The following CFTR variants were observed in gnomAD, a reference collection of about 807,000 sequenced individuals.
CFTR encodes CF transmembrane conductance regulator, also known as cystic fibrosis transmembrane conductance regulator.
A neutral mutation model predicts 171.6 loss-of-function variants in CFTR; 181 were observed. That is an observed-to-expected ratio of 1.05 (90% CI 0.93 to 1.19). CFTR has a LOEUF of 1.19. Among genes scored for constraint, CFTR ranks in the 50% most tolerant of loss-of-function variants. The pLI, the probability that CFTR is intolerant of heterozygous loss-of-function variation, is 0.00. For synonymous variants in CFTR, 583 were observed against 608.0 expected, an observed-to-expected ratio of 0.96 and a Z score of 0.60; for missense variants, 1,968 against 1,734.7, an observed-to-expected ratio of 1.13 and a Z score of -2.39.
At chr7:117,542,556 AAAAAAT>A (rs1159305976) in intron 9 of CFTR, among the ~76,000 whole-genome samples, 1 of 152,200 alleles carries the variant, frequency 6.6e-6, no homozygotes, top group South Asian at 2.1e-4. Flanking sequence ...GAAAAAGAAA[AAAAAAT>A]AAAAATAAAA....
chr7:117,613,693 A>C (rs542363624), intron 20 of CFTR, among the ~76,000 whole-genome samples: 2 of 152,164 alleles, frequency 1.3e-5, no homozygotes, highest in Admixed American at 6.6e-5. Context: ...ACATGCAGAT[A>C]TATGCTGTGT....
rs763577850 is a variant in CFTR at position 117,548,718 on chromosome 7, C to T, written c.1287C>T (p.Phe429=). Residue 429 remains phenylalanine, a synonymous_variant, in exon 10 of 27, where the codon TTC becomes TTT. Transcript: ENST00000003084. ...CTTCTAATGGTGATGACAGCCTCTT[C>T]TTCAGTAATTTCTCACTTCTTGGTA... ...RKTSNGDDSL[F]FSNFSLLGTP... 11 of 1,613,274 alleles carry T rather than the reference C, an allele frequency of 6.8e-6. No individual in the cohort carries two copies. The highest frequency in any genetic ancestry group is 9.3e-6 in the Non-Finnish European group (11 of 1,179,602).
rs397508568 is a variant in CFTR at position 117,614,705 on chromosome 7, G to A, written c.3460G>A (p.Asp1154Asn). The part of the protein sequence containing the change: ...QWAVNSSIDV[D>N]SLMRSVSRVF... ...GGCTGTAAACTCCAGCATAGATGTG[G>A]ATAGCTTGGTAAGTCTTATCATCTT... The change falls in exon 21 of 27, where the codon GAT becomes AAT. Residue 1154 changes from aspartate to asparagine, a missense_variant. Coordinates refer to ENST00000003084, the MANE Select transcript of CFTR (RefSeq NM_000492.4). The A allele has an allele frequency of 6.2e-7, 1 of 1,608,650 alleles. No homozygotes were observed. Among genetic ancestry groups the A allele is most frequent in the South Asian group, 1.1e-5 (1 of 90,966 alleles).
chr7:117,627,346 G>A (rs1393162102), intron 21 of CFTR, among the ~76,000 whole-genome samples, 176 bp from the exon 22 acceptor site: 1 of 152,044 alleles, frequency 6.6e-6, no homozygotes, highest in Admixed American at 6.6e-5. Context: ...TTTCTCTTCA[G>A]TTAAACTTTT....
intron 24 of CFTR, among the ~76,000 whole-genome samples, chr7:117,658,977 G>T (rs191112733): frequency 3.3e-4 from 50 of 152,202 alleles, no homozygotes; most frequent in African/African-American, 1.1e-3. Flanking sequence ...GCTTAAGGTG[G>T]CTTACCAGGT....
intron 18 of CFTR, among the ~76,000 whole-genome samples, chr7:117,608,193 A>C (rs1792330866): frequency 6.6e-6 from 1 of 150,380 alleles, no homozygotes; most frequent in South Asian, 2.1e-4. Context: ...GCCAGTTTGA[A>C]TCATTTCTGC....
In CFTR at chr7:117,587,740, A is replaced by G. The variant is rs397508236; in HGVS notation, c.1586A>G (p.Asp529Gly). ...CTAATTTTCTATTTTTGGTAATAGGACATCTCCAAGTTTGCAGAGAAAGAC... is the reference window on the plus strand; with the variant it reads ...CTAATTTTCTATTTTTGGTAATAGGGCATCTCCAAGTTTGCAGAGAAAGAC... ...SVIKACQLEE[D>G]ISKFAEKDNI... is the part of the protein sequence containing the mutation. The change falls in exon 12 of 27, where the codon GAC becomes GGC. Residue 529 changes from aspartate to glycine, a missense_variant and splice_region_variant. Transcript: ENST00000003084. The G allele has an allele frequency of 2.5e-6, 4 of 1,590,424 alleles. No individual in the cohort carries two copies. Among genetic ancestry groups the G allele is most frequent in the Non-Finnish European group, 3.5e-6 (4 of 1,158,694 alleles).
intron 3 of CFTR, 147 bp downstream of exon 3, chr7:117,509,289 A>G: frequency 3.1e-6 from 2 of 643,524 alleles, no homozygotes; most frequent in Non-Finnish European, 5.5e-6. Context: ...CTAAAACTCT[A>G]GTAAGGATAA....
At chr7:117,579,714 T>C (rs1355117256) in intron 11 of CFTR, among the ~76,000 whole-genome samples, 4 of 142,320 alleles carry the variant, frequency 2.8e-5, no homozygotes, top group Non-Finnish European at 6.2e-5. Flanking sequence ...TAGCACAGTG[T>C]TAATACAGGA....
rs536308161 is a variant in CFTR, at chr7:117,575,533, T to C, written c.1585-12206T>C. Among the ~76,000 whole-genome samples the C allele has an allele frequency of 3.9e-5, 6 of 152,252 alleles. No individual in the cohort carries two copies. In the East Asian group the frequency reaches 1.2e-3, roughly 29 times the overall value. ...ATTAAAATCCTGCACTGAGTTTGTC[T>C]CAAGATTTCTTGCACGTGAATGAAT... On this transcript the variant is annotated intron_variant, in intron 11 of 26. Coordinates refer to ENST00000003084, the MANE Select transcript of CFTR (RefSeq NM_000492.4).
At position 117,592,558 on chromosome 7, in the gene CFTR, C is replaced by G; in HGVS notation, c.2391C>G (p.Ala797=). 2.0e-6 allele frequency: 3 copies of G among 1,520,096 alleles called. No individual in the cohort carries two copies. The highest frequency in any genetic ancestry group is 2.6e-6 in the Non-Finnish European group (3 of 1,136,734). 94.2% of individuals were successfully genotyped at this position (1,520,096 alleles called of 1,614,324 possible). A position where few individuals can be genotyped will look rare whatever the true frequency, so the allele number is the denominator to read the frequency against. ...CATCCACACGAAAAGTGTCACTGGC[C>G]CCTCAGGCAAACTTGACTGAACTGG... The part of the protein sequence containing the change: ...TTASTRKVSL[A]PQANLTELDI... Residue 797 remains alanine, a synonymous_variant, in exon 14 of 27, where the codon GCC becomes GCG. Transcript: ENST00000003084.
intron 22 of CFTR, among the ~76,000 whole-genome samples, chr7:117,628,189 AGTTT>A (rs528537670): frequency 7.6e-4 from 115 of 151,830 alleles, no homozygotes; most frequent in Non-Finnish European, 1.5e-3. Context: ...AGCTTTTTTC[AGTTT>A]GTTTGTTTTG....
chr7:117,619,209 T>C (rs1792536513), intron 21 of CFTR, among the ~76,000 whole-genome samples: 1 of 152,262 alleles, frequency 6.6e-6, no homozygotes, highest in Non-Finnish European at 1.5e-5. Context: ...ATAAGATGCC[T>C]TCCATTTTTA....
intron 23 of CFTR, among the ~76,000 whole-genome samples, chr7:117,643,380 A>G (rs115927643): frequency 1.4e-3 from 208 of 152,200 alleles, no homozygotes; most frequent in African/African-American, 4.8e-3. Flanking sequence ...GTTCTTGCTA[A>G]TACTACTCTA....
rs140337270 is a variant in CFTR, at chr7:117,593,866, T to C, written c.2491-1064T>C. ...ACCTCAGCCTCCCAAAGTGCTGGTA[T>C]TACAGGCGTGTGCCACCACGTCCAG... On this transcript the variant is annotated intron_variant, in intron 14 of 26. Transcript: ENST00000003084. Among the ~76,000 whole-genome samples the C allele has an allele frequency of 1.9e-3, 282 of 152,304 alleles. 1 individual carries two copies. Among genetic ancestry groups the C allele is most frequent in the Middle Eastern group, 3.4e-3 (1 of 294 alleles).
At chr7:117,637,642 T>C (rs1792847614) in intron 22 of CFTR, among the ~76,000 whole-genome samples, 1 of 152,038 alleles carries the variant, frequency 6.6e-6, no homozygotes, top group East Asian at 1.9e-4. Flanking sequence ...TTTGGGAGGC[T>C]AAGGCAGGTG....
chr7:117,557,812 C>T (rs2115932278), intron 10 of CFTR, among the ~76,000 whole-genome samples: 1 of 152,126 alleles, frequency 6.6e-6, no homozygotes, highest in Admixed American at 6.5e-5. Context: ...GTCTTTTCCT[C>T]TTAATAGATG....
chr7:117,534,999 G>T (rs1423986276), intron 5 of CFTR, among the ~76,000 whole-genome samples: 1 of 152,164 alleles, frequency 6.6e-6, no homozygotes, highest in African/African-American at 2.4e-5. Context: ...TGATTCCACT[G>T]AATAAAAATA....
Position 117,559,610 on chromosome 7 carries a change from T to A in CFTR, c.1539T>A (p.Asp513Glu). Residue 513 changes from aspartate (D) to glutamate (E), a missense_variant, in exon 11 of 27, where the codon GAT becomes GAA. By Grantham distance (45) the Asp-to-Glu change is conservative (BLOSUM62 2). Transcript: ENST00000003084. Reference protein sequence around the residue: ...KENIIFGVSYDEYRYRSVIKA... With the variant: ...KENIIFGVSYEEYRYRSVIKA... ...ATATCATCTTTGGTGTTTCCTATGATGAATATAGATACAGAAGCGTCATCA... is the reference window on the plus strand; with the variant it reads ...ATATCATCTTTGGTGTTTCCTATGAAGAATATAGATACAGAAGCGTCATCA... The A allele has an allele frequency of 6.2e-7, 1 of 1,613,384 alleles. No homozygotes were observed. Among genetic ancestry groups the A allele is most frequent in the Non-Finnish European group, 8.5e-7 (1 of 1,179,580 alleles).
Sources: allele counts gnomAD v4.1 joint callset (sites outside exome capture counted in the v4.1 genomes callset), GRCh38; gene constraint gnomAD v4.1.1; transcripts MANE v1.5; gene names NCBI Gene and HGNC (gene_info 2026-07-23, HGNC 2026-07-21).